PCDHA9: variants seen among roughly 807,000 people sequenced by gnomAD.
PCDHA9 encodes protocadherin alpha 9.
In PCDHA9, 62 loss-of-function variants were observed where a neutral mutation model predicts 62.0. The ratio of observed to expected loss-of-function variants is 1.00; its 90% CI spans 0.81 to 1.23. The LOEUF (loss-of-function observed/expected upper bound fraction) is 1.23. Among genes scored for constraint, PCDHA9 ranks in the 50% most tolerant of loss-of-function variants. PCDHA9 has a pLI of 0.00. For synonymous variants in PCDHA9, 557 were observed against 567.6 expected (o/e 0.98, Z 0.27); for missense variants, 1,205 against 1,249.8 (o/e 0.96, Z 0.54).
chr5:140,917,724 G>C (rs2078325058), intron 1 of PCDHA9, among the ~76,000 whole-genome samples: 1 of 152,080 alleles, frequency 6.6e-6, no homozygotes, highest in East Asian at 1.9e-4. Flanking sequence ...CTTTATTTCT[G>C]GGTTCTCTAA....
chr5:140,942,429 A>C (rs543442477), intron 1 of PCDHA9, among the ~76,000 whole-genome samples: 1 of 152,226 alleles, frequency 6.6e-6, no homozygotes, highest in Admixed American at 6.5e-5. Context: ...AAAGATATCT[A>C]ACAATAAACA....
rs146932686 is a variant in PCDHA9, at chr5:140,955,010, G to T, written c.2395-23939G>T. 3.9e-3 allele frequency among the ~76,000 whole-genome samples: 599 copies of T among 152,256 alleles called. 6 individuals carry two copies. The highest frequency in any genetic ancestry group is 0.032 in the South Asian group (154 of 4,816). On this transcript the variant is annotated intron_variant, in intron 1 of 3. Transcript: ENST00000532602. ...TGCATATGGCTAGCCAATTCTCCCAGCACCATTTATTAAATAGGGAATCTT... is the reference window on the plus strand; with the variant it reads ...TGCATATGGCTAGCCAATTCTCCCATCACCATTTATTAAATAGGGAATCTT...
chr5:140,971,857 T>G (rs1312639660), intron 1 of PCDHA9, among the ~76,000 whole-genome samples: 12 of 152,198 alleles, frequency 7.9e-5, no homozygotes, highest in African/African-American at 2.9e-4. Flanking sequence ...TAAATATTTG[T>G]TAACATCTAG....
intron 1 of PCDHA9, 152 bp downstream of exon 1, chr5:140,851,041 G>A (rs1162904841): frequency 3.6e-6 from 5 of 1,393,834 alleles, no homozygotes; most frequent in Non-Finnish European, 4.7e-6. Context: ...TAACATTGGA[G>A]CCGACTTTGT....
At chr5:140,898,870 C>T (rs1477095887) in intron 1 of PCDHA9, among the ~76,000 whole-genome samples, 3 of 151,586 alleles carry the variant, frequency 2.0e-5, no homozygotes, top group South Asian at 4.2e-4. Context: ...TTTCATTGAG[C>T]AGTGGTTTGT....
intron 1 of PCDHA9, chr5:140,869,000 C>A: frequency 2.0e-6 from 3 of 1,518,418 alleles, no homozygotes; most frequent in Non-Finnish European, 2.6e-6. Flanking sequence ...GTTTAAGGAT[C>A]CTTTGAAACT....
In PCDHA9 at chr5:140,850,246, C is replaced by A; in HGVS notation, c.1751C>A (p.Ser584Ter). 1.9e-6 allele frequency: 3 copies of A among 1,593,138 alleles called. No homozygotes were observed. The highest frequency in any genetic ancestry group is 2.6e-6 in the Non-Finnish European group (3 of 1,166,690). Residue 584 changes from serine to a stop codon, truncating the protein, a stop_gained, in exon 1 of 4, where the codon TCG (serine) becomes TAG (stop). Coordinates refer to ENST00000532602, the MANE Select transcript of PCDHA9 (RefSeq NM_031857.2). LOFTEE classifies it high-confidence loss of function. Reference sequence around the variant, plus strand: ...GCAGTGAGCGAGATGGTGCTGCGGTCGGTGGGCGCCGGCGTAGTGGTGGGG... The same window carrying A: ...GCAGTGAGCGAGATGGTGCTGCGGTAGGTGGGCGCCGGCGTAGTGGTGGGG... ...DGAVSEMVLR[S>*]VGAGVVVGKV...
In PCDHA9 at chr5:140,982,542, A is replaced by T; in HGVS notation, c.2521A>T (p.Thr841Ser). 6.2e-7 allele frequency: 1 copy of T among 1,614,210 alleles called. No individual in the cohort carries two copies. Among genetic ancestry groups the T allele is most frequent in the Non-Finnish European group, 8.5e-7 (1 of 1,180,042 alleles). The change falls in exon 3 of 4, where the codon ACA becomes TCA. Residue 841 changes from threonine (T) to serine (S), a missense_variant. This residue lies in a region of PCDHA9 where 887 missense variants were observed against 809.5 expected (regional missense o/e 1.10). Transcript: ENST00000532602. ...AGGAGGGCCTGATCAGCAGTGGCCA[A>T]CAGTATCCAGTGCAACACCAGGTAA... is the stretch of plus-strand genomic sequence containing the variant. The part of the protein sequence containing the change: ...GPGGPDQQWP[T>S]VSSATPEPEA...
At chr5:140,915,264 G>A (rs536821921) in intron 1 of PCDHA9, among the ~76,000 whole-genome samples, 9 of 151,876 alleles carry the variant, frequency 5.9e-5, no homozygotes, top group Non-Finnish European at 1.3e-4. Context: ...TATTATTTTT[G>A]ACCAGTTCAT....
intron 1 of PCDHA9, among the ~76,000 whole-genome samples, chr5:140,918,678 A>G (rs2078806155): frequency 6.6e-6 from 1 of 152,098 alleles, no homozygotes; most frequent in South Asian, 2.1e-4. Context: ...AAGAGGTGAG[A>G]CCTTTCAAAC....
intron 1 of PCDHA9, chr5:140,851,142 C>T: frequency 7.6e-7 from 1 of 1,309,246 alleles, no homozygotes; most frequent in Non-Finnish European, 9.9e-7. Flanking sequence ...ATTAAAGTGA[C>T]ATTGAATTTC....
chr5:140,927,363 GAT>G (rs1188531316), intron 1 of PCDHA9: 33 of 1,613,946 alleles, frequency 2.0e-5, no homozygotes, highest in Non-Finnish European at 2.7e-5. Context: ...GAAGCAATGG[GAT>G]ACTAAGCTAC....
intron 1 of PCDHA9, among the ~76,000 whole-genome samples, chr5:140,940,745 T>C (rs1554213585): frequency 6.6e-6 from 1 of 152,260 alleles, no homozygotes; most frequent in Non-Finnish European, 1.5e-5. Flanking sequence ...CATATTTTTA[T>C]GTGTGCCAAC....
chr5:140,871,247 T>C (rs1340682715), intron 1 of PCDHA9: 1 of 1,613,990 alleles, frequency 6.2e-7, no homozygotes, highest in Non-Finnish European at 8.5e-7. Context: ...CTCACGCTGC[T>C]GCTGTATACG....
At chr5:141,000,608 A>G (rs1554257700) in intron 3 of PCDHA9, among the ~76,000 whole-genome samples, 2 of 150,664 alleles carry the variant, frequency 1.3e-5, no homozygotes, top group African/African-American at 4.9e-5. Context: ...TTGTATTTTT[A>G]GTAGAGACAG....
intron 1 of PCDHA9, among the ~76,000 whole-genome samples, chr5:140,894,895 A>G (rs557164845): frequency 6.6e-6 from 1 of 152,316 alleles, no homozygotes; most frequent in South Asian, 2.1e-4. Context: ...AGACCAGGAT[A>G]ATTTTCCTAT....
intron 1 of PCDHA9, among the ~76,000 whole-genome samples, chr5:140,934,224 AT>A: frequency 6.6e-6 from 1 of 152,246 alleles, no homozygotes. Context: ...TGTTTAAAAG[AT>A]TTGTACTTAA....
chr5:140,872,448 G>A (rs1164382380), intron 1 of PCDHA9, among the ~76,000 whole-genome samples: 2 of 151,992 alleles, frequency 1.3e-5, no homozygotes, highest in South Asian at 2.1e-4. Flanking sequence ...ACAACATAGC[G>A]AGATCCTGTC....
At chr5:140,967,279 T>A in intron 1 of PCDHA9, 1 of 1,613,002 alleles carries the variant, frequency 6.2e-7, no homozygotes, top group Non-Finnish European at 8.5e-7. Context: ...ACATAGAGAG[T>A]GCGCAGGACC....
Sources: gnomAD v4.1 joint callset for allele counts (sites outside exome capture counted in the v4.1 genomes callset) on GRCh38, gnomAD v4.1.1 for gene constraint, gnomAD v4.1.1 regional missense constraint, MANE v1.5 for transcripts, NCBI Gene and HGNC (gene_info 2026-07-23, HGNC 2026-07-21) for gene names.